Variants in LRP1B observed in about 807,000 individuals in gnomAD.
The protein encoded by LRP1B is low-density lipoprotein receptor-related protein 1B.
A neutral mutation model predicts 556.6 loss-of-function variants in LRP1B; 217 were observed. That is an observed-to-expected ratio of 0.39 (90% CI 0.35 to 0.44). The LOEUF (loss-of-function observed/expected upper bound fraction) is 0.44. Ranked by LOEUF, LRP1B falls within the 20% of genes least tolerant of loss-of-function variation. LRP1B has a pLI of 1.00. For synonymous variants in LRP1B, 2,047 were observed against 1,865.8 expected, an observed-to-expected ratio of 1.10 and a Z score of -2.50; for missense variants, 5,053 against 5,620.8, an observed-to-expected ratio of 0.90 and a Z score of 3.23.
At chr2:141,663,990 G>A (rs996137111) in intron 2 of LRP1B, among the ~76,000 whole-genome samples, 2 of 149,484 alleles carry the variant, frequency 1.3e-5, no homozygotes, top group East Asian at 2.0e-4. Context: ...TGCAAAAATC[G>A]TCCATAAAAT....
At chr2:140,353,439 G>T (rs1301214016) in intron 75 of LRP1B, among the ~76,000 whole-genome samples, 1 of 151,966 alleles carries the variant, frequency 6.6e-6, no homozygotes, top group African/African-American at 2.4e-5. Flanking sequence ...TGCCATGGGG[G>T]TTTGTTGTAT....
intron 3 of LRP1B, among the ~76,000 whole-genome samples, chr2:141,431,916 T>G (rs763542637): frequency 1.3e-4 from 20 of 152,090 alleles, no homozygotes; most frequent in Admixed American, 6.6e-5. Context: ...AGGAGAGATA[T>G]TTTTACTTTT....
intron 1 of LRP1B, among the ~76,000 whole-genome samples, chr2:141,971,238 TTAGA>T (rs998186308): frequency 2.7e-4 from 41 of 151,474 alleles, no homozygotes; most frequent in African/African-American, 9.2e-4. Flanking sequence ...CACGTGTATC[TTAGA>T]AAGAATTAGA....
At chr2:140,324,490 C>T (rs1680345521) in intron 80 of LRP1B, among the ~76,000 whole-genome samples, 1 of 151,966 alleles carries the variant, frequency 6.6e-6, no homozygotes. Context: ...GTTTATTAAG[C>T]AATCAATCAA....
At chr2:141,151,983 T>G (rs1337173484) in intron 7 of LRP1B, among the ~76,000 whole-genome samples, 1 of 152,042 alleles carries the variant, frequency 6.6e-6, no homozygotes. Flanking sequence ...TTTAATATCT[T>G]GCTTTTTCAG....
chr2:142,093,495 C>G (rs938007960), intron 1 of LRP1B, among the ~76,000 whole-genome samples: 2 of 152,020 alleles, frequency 1.3e-5, no homozygotes, highest in African/African-American at 2.4e-5. Context: ...ACGTGATAGG[C>G]AAGATAAAAT....
intron 2 of LRP1B, among the ~76,000 whole-genome samples, chr2:141,739,608 C>G (rs117498986): frequency 6.6e-6 from 1 of 151,402 alleles, no homozygotes; most frequent in Non-Finnish European, 1.5e-5. Flanking sequence ...TCTTCACTTG[C>G]GAAGTTGTTT....
chr2:141,057,440 G>T (rs2105459981), intron 9 of LRP1B, among the ~76,000 whole-genome samples: 1 of 151,788 alleles, frequency 6.6e-6, no homozygotes, highest in East Asian at 2.0e-4. Flanking sequence ...CAATGTTGTT[G>T]CCCAGATATC....
At chr2:140,395,896 TTAGAAA>T (rs1475524172) in intron 66 of LRP1B, among the ~76,000 whole-genome samples, 2 of 152,160 alleles carry the variant, frequency 1.3e-5, no homozygotes, top group Non-Finnish European at 2.9e-5. Flanking sequence ...TTTTTCTCAT[TTAGAAA>T]TTTGTGTTGT....
intron 3 of LRP1B, among the ~76,000 whole-genome samples, chr2:141,427,277 G>A (rs1391860082): frequency 1.3e-5 from 2 of 152,074 alleles, no homozygotes; most frequent in Admixed American, 6.6e-5. Flanking sequence ...ATGTATTATA[G>A]TACAATAATT....
intron 2 of LRP1B, among the ~76,000 whole-genome samples, chr2:141,756,546 C>CAA (rs1205639264): frequency 4.7e-4 from 6 of 12,730 alleles, no homozygotes; most frequent in African/African-American, 1.0e-3. Context: ...TCTCAAATTA[C>CAA]ACACACACAC....
intron 60 of LRP1B, among the ~76,000 whole-genome samples, chr2:140,469,828 G>C (rs76602040): frequency 6.6e-6 from 1 of 152,104 alleles, no homozygotes; most frequent in African/African-American, 2.4e-5. Flanking sequence ...GGTAGATCTC[G>C]GTTCAAATTT....
rs1474162452 is a variant in LRP1B, at chr2:141,133,048, C to T, written c.1013+55373G>A. ...ATTTTTCAACAGCATGCATCTATGA[C>T]TTAAGTTACTTGTTTTTGCTATTGT... is the stretch of plus-strand genomic sequence containing the variant. On this transcript the variant is annotated intron_variant, in intron 7 of 90. Coordinates refer to ENST00000389484, the MANE Select transcript of LRP1B (RefSeq NM_018557.3). 3.3e-5 allele frequency among the ~76,000 whole-genome samples: 5 copies of T among 151,978 alleles called. No individual in the cohort carries two copies. The Admixed American group carries it at 3.3e-4, about 10-fold the overall frequency.
chr2:140,753,324 CCTGT>C (rs1482168852), intron 35 of LRP1B, among the ~76,000 whole-genome samples: 6 of 152,144 alleles, frequency 3.9e-5, no homozygotes, highest in African/African-American at 1.4e-4. Flanking sequence ...ACTTCAAAAT[CCTGT>C]CTGACTTCAG....
At chr2:140,594,869 C>T (rs866245444) in intron 43 of LRP1B, among the ~76,000 whole-genome samples, 26 of 151,794 alleles carry the variant, frequency 1.7e-4, no homozygotes, top group African/African-American at 6.0e-4. Flanking sequence ...CGATGTTTTG[C>T]GTCTCTTCTT....
At chr2:141,296,585 G>T (rs1460571746) in intron 3 of LRP1B, among the ~76,000 whole-genome samples, 1 of 152,088 alleles carries the variant, frequency 6.6e-6, no homozygotes, top group African/African-American at 2.4e-5. Context: ...TTCACTGCTG[G>T]TTATTTACTC....
Position 140,380,375 on chromosome 2 carries a change from G to A in LRP1B, c.10532-2089C>T, listed in dbSNP as rs569040489. On this transcript the variant is annotated intron_variant, in intron 67 of 90. Coordinates refer to ENST00000389484, the MANE Select transcript of LRP1B (RefSeq NM_018557.3). Reference sequence around the variant, plus strand: ...CCAAGTTACTTATCTAAAGCACATGGCTAGCAATATCTATTTTATTAATAA... The same window carrying A: ...CCAAGTTACTTATCTAAAGCACATGACTAGCAATATCTATTTTATTAATAA... Among the ~76,000 whole-genome samples, 42 of 152,204 alleles carry A rather than the reference G, an allele frequency of 2.8e-4. 1 individual carries two copies. In the South Asian group the frequency reaches 8.1e-3, roughly 29 times the overall value.
intron 2 of LRP1B, among the ~76,000 whole-genome samples, chr2:141,549,957 T>G (rs950502957): frequency 6.6e-6 from 1 of 152,176 alleles, no homozygotes; most frequent in Non-Finnish European, 1.5e-5. Context: ...GTTGCGCCAC[T>G]GCGCTCCAGA....
At chr2:140,816,932 C>T (rs994165965) in intron 31 of LRP1B, among the ~76,000 whole-genome samples, 1 of 151,984 alleles carries the variant, frequency 6.6e-6, no homozygotes. Flanking sequence ...ATACATGATG[C>T]TGGAATAATT....
Sources: gnomAD v4.1 joint callset for allele counts (sites outside exome capture counted in the v4.1 genomes callset) on GRCh38, gnomAD v4.1.1 for gene constraint, MANE v1.5 for transcripts, NCBI Gene and HGNC (gene_info 2026-07-23, HGNC 2026-07-21) for gene names.